TEX2: variants seen among roughly 807,000 people sequenced by gnomAD.
The protein encoded by TEX2 is testis-expressed protein 2.
In TEX2, 53 loss-of-function variants were observed where a neutral mutation model predicts 106.9. The ratio of observed to expected loss-of-function variants is 0.50; its 90% CI spans 0.40 to 0.62. The LOEUF (loss-of-function observed/expected upper bound fraction) is 0.62. Ranked by LOEUF, TEX2 falls within the 20% of genes least tolerant of loss-of-function variation. The pLI is 0.00. For missense variants in TEX2, 1,207 were observed against 1,379.0 expected (o/e 0.88, Z 1.98); for synonymous variants, 523 against 534.8 (o/e 0.98, Z 0.30).
In TEX2 at chr17:64,153,846, C is replaced by A. The variant is rs546426205; in HGVS notation, c.2931-692G>T. 2.0e-5 allele frequency among the ~76,000 whole-genome samples: 3 copies of A among 152,306 alleles called. No homozygotes were observed. The South Asian group carries it at 6.2e-4, about 32-fold the overall frequency. On this transcript the variant is annotated intron_variant, in intron 9 of 11. Coordinates refer to ENST00000584379, the MANE Select transcript of TEX2 (RefSeq NM_001288732.2). The surrounding 1 kb of genome is among the most constrained non-coding windows in gnomAD (Gnocchi z 4.1). ...ACTCGGGAGGCTAAAATGGGAGGAT[C>A]ACTTGAGCCCAGGAGGTTGAGGCTG...
chr17:64,244,449 A>G (rs2033950625), intron 1 of TEX2, among the ~76,000 whole-genome samples: 1 of 152,152 alleles, frequency 6.6e-6, no homozygotes, highest in African/African-American at 2.4e-5. Flanking sequence ...AGGCTTTGAC[A>G]TTTCATAAGT....
intron 1 of TEX2, among the ~76,000 whole-genome samples, chr17:64,215,432 G>C (rs782718806): frequency 3.3e-5 from 5 of 152,214 alleles, no homozygotes; most frequent in Non-Finnish European, 7.3e-5. Context: ...GATGGCAATG[G>C]GCATGGTGTG....
At chr17:64,165,118 C>T (rs2031066733) in intron 7 of TEX2, among the ~76,000 whole-genome samples, 1 of 152,170 alleles carries the variant, frequency 6.6e-6, no homozygotes, top group East Asian at 1.9e-4. Context: ...ATCCAAAGAA[C>T]AAAACTTCTT....
chr17:64,163,719 A>G (rs72849227), intron 7 of TEX2, among the ~76,000 whole-genome samples: 5 of 152,318 alleles, frequency 3.3e-5, no homozygotes, highest in Admixed American at 6.5e-5. Flanking sequence ...GATGAAATTC[A>G]CAGTTACTAG....
At chr17:64,150,185 C>T (rs979067392) in intron 11 of TEX2, 4 of 152,114 alleles carry the variant, frequency 2.6e-5, no homozygotes, top group Non-Finnish European at 4.4e-5. Context: ...CATAAAACCC[C>T]GACAGACAAC....
In TEX2 at chr17:64,148,322, A is replaced by G. The variant is rs1266735298; in HGVS notation, c.*647T>C. On this transcript the variant is annotated 3_prime_UTR_variant, in exon 12 of 12. Coordinates refer to ENST00000584379, the MANE Select transcript of TEX2 (RefSeq NM_001288732.2). ...TTGGTGAAAGGCTTGGGATGGTTTG[A>G]TCTCATGGCTTTGCCTGATGTTCAC... The G allele has an allele frequency of 6.6e-6, 1 of 152,644 alleles. No individual in the cohort carries two copies. The highest frequency in any genetic ancestry group is 1.5e-5 in the Non-Finnish European group (1 of 68,086). The allele number at this position is 152,644 out of a possible 1,614,324, so 9.5% of individuals were successfully genotyped here.
chr17:64,193,553 C>T lies in TEX2; in HGVS notation c.2176+6G>A, dbSNP rs1454367699. The T allele has an allele frequency of 4.2e-6, 6 of 1,413,804 alleles. No homozygotes were observed. Among genetic ancestry groups the T allele is most frequent in the Non-Finnish European group, 5.6e-6 (6 of 1,074,962 alleles). 87.6% of individuals were successfully genotyped at this position (1,413,804 alleles called of 1,614,324 possible). A position where few individuals can be genotyped will look rare whatever the true frequency, so the allele number is the denominator to read the frequency against. On this transcript the variant is annotated splice_donor_region_variant and intron_variant, in intron 4 of 11. Transcript: ENST00000584379. ...ATGCATAAGCATTTAGCACAAACAT[C>T]ATTACCTGGTTTACCTCCAGAGACA...
chr17:64,202,038 C>G (rs1360905982), intron 2 of TEX2, among the ~76,000 whole-genome samples: 4 of 152,168 alleles, frequency 2.6e-5, no homozygotes, highest in African/African-American at 7.2e-5. Flanking sequence ...GTGCAAGGAG[C>G]TGTAGAGGTT....
intron 5 of TEX2, 90 bp downstream of exon 5, chr17:64,188,078 T>C (rs763172354): frequency 6.9e-7 from 1 of 1,449,068 alleles, no homozygotes; most frequent in East Asian, 2.3e-5. Flanking sequence ...GTTATCCCAG[T>C]GCCCACAACA....
intron 1 of TEX2, among the ~76,000 whole-genome samples, chr17:64,220,768 T>C (rs2033335986): frequency 6.6e-6 from 1 of 152,130 alleles, no homozygotes; most frequent in Admixed American, 6.6e-5. Flanking sequence ...ATAAATTAGT[T>C]CAACCATTGT....
In TEX2 at chr17:64,153,109, A is replaced by T. The variant is rs1173868987; in HGVS notation, c.2976T>A (p.Asp992Glu). 3 of 1,614,166 alleles carry T rather than the reference A, an allele frequency of 1.9e-6. No individual in the cohort carries two copies. The highest frequency in any genetic ancestry group is 2.5e-6 in the Non-Finnish European group (3 of 1,179,994). Residue 992 changes from aspartate to glutamate, a missense_variant, in exon 10 of 12, where the codon GAT becomes GAA. Physicochemically the swap from Asp to Glu is conservative, Grantham distance 45. This residue lies in a region of TEX2 where 63 missense variants were observed against 112.2 expected (regional missense o/e 0.56). Coordinates refer to ENST00000584379, the MANE Select transcript of TEX2 (RefSeq NM_001288732.2). The surrounding 1 kb of genome is among the most constrained non-coding windows in gnomAD (Gnocchi z 4.1). ...GGAAATATTTTGACTTGGTAATTTTATCAACAAACCTCATAATCTTACTTG... is the reference window on the plus strand; with the variant it reads ...GGAAATATTTTGACTTGGTAATTTTTTCAACAAACCTCATAATCTTACTTG... ...HRTSKIMRFV[D>E]KITKSKYFQK...
At chr17:64,214,879 G>A (rs534790466) in intron 1 of TEX2, among the ~76,000 whole-genome samples, 72 of 152,334 alleles carry the variant, frequency 4.7e-4, no homozygotes, top group African/African-American at 1.4e-3. Context: ...TATTTAGGCA[G>A]CCATGAAGAC....
intron 6 of TEX2, among the ~76,000 whole-genome samples, chr17:64,174,788 T>C (rs2031554152): frequency 6.6e-6 from 1 of 152,224 alleles, no homozygotes; most frequent in Admixed American, 6.5e-5. Context: ...AGGGCGGTTA[T>C]CTGAGCAGCT....
In TEX2 at chr17:64,148,713, CTTCTGGAT is replaced by C; in HGVS notation, c.*248_*255del. 2.2e-6 allele frequency: 1 copy of C among 452,054 alleles called. No individual in the cohort carries two copies. The highest frequency in any genetic ancestry group is 3.9e-6 in the Non-Finnish European group (1 of 253,366). 28.0% of individuals were successfully genotyped at this position (452,054 alleles called of 1,614,324 possible). On this transcript the variant is annotated 3_prime_UTR_variant, in exon 12 of 12. Coordinates refer to ENST00000584379, the MANE Select transcript of TEX2 (RefSeq NM_001288732.2). Reference sequence around the variant, plus strand: ...AAGCCATGGTGTGGGTCACGTATAACTTCTGGATCCACCATGATTCTTCCATGGTCTCC... The same window carrying C: ...AAGCCATGGTGTGGGTCACGTATAACCCACCATGATTCTTCCATGGTCTCC...
rs572142639 is a variant in TEX2, at chr17:64,230,373, A to T, written c.-25-16131T>A. On this transcript the variant is annotated intron_variant, in intron 1 of 11. Transcript: ENST00000584379. ...CAAGAAACCCAGAGCCATGTTCACA[A>T]CTGGCAAGGTTAGGAGATACTGGTT... Among the ~76,000 whole-genome samples the T allele has an allele frequency of 2.6e-5, 4 of 152,330 alleles. No individual in the cohort carries two copies. The South Asian group carries it at 8.3e-4, about 32-fold the overall frequency.
chr17:64,225,172 C>G (rs545257400), intron 1 of TEX2, among the ~76,000 whole-genome samples: 1 of 151,908 alleles, frequency 6.6e-6, no homozygotes, highest in African/African-American at 2.4e-5. Context: ...ATATTGCAGG[C>G]TGGGCACAGT....
rs550525972 is a variant in TEX2 at position 64,249,199 on chromosome 17, G to A, written c.-26+13969C>T. On this transcript the variant is annotated intron_variant, in intron 1 of 11. Coordinates refer to ENST00000584379, the MANE Select transcript of TEX2 (RefSeq NM_001288732.2). Reference sequence around the variant, plus strand: ...TGAGCTCCTAAAACAGAAAAACATCGTTCAAAAAAATTCCTTTTTTCCTTA... The same window carrying A: ...TGAGCTCCTAAAACAGAAAAACATCATTCAAAAAAATTCCTTTTTTCCTTA... Among the ~76,000 whole-genome samples the A allele has an allele frequency of 1.5e-4, 23 of 152,040 alleles. No individual in the cohort carries two copies. The South Asian group carries it at 4.2e-3, about 28-fold the overall frequency.
chr17:64,213,857 C>T lies in TEX2; in HGVS notation c.361G>A (p.Val121Ile). ...GTACTTAATACTTGTGCTGCTGGAACAGGGGACTCCAACAGCTTTACAGTG... is the reference window on the plus strand; with the variant it reads ...GTACTTAATACTTGTGCTGCTGGAATAGGGGACTCCAACAGCTTTACAGTG... ...KNTVKLLESP[V>I]PAAQVLSTVP... Residue 121 changes from valine to isoleucine, a missense_variant, in exon 2 of 12, where the codon GTT becomes ATT. Val to Ile is a conservative substitution (Grantham distance 29). Around this residue, in one of 3 missense-constraint regions of TEX2, gnomAD observed 1,067 missense variants for 1,193.6 expected, o/e 0.89. Coordinates refer to ENST00000584379, the MANE Select transcript of TEX2 (RefSeq NM_001288732.2). This position sits in a 1 kb window ranked among gnomAD's most constrained non-coding sequence, Gnocchi z 4.4. The T allele has an allele frequency of 1.9e-6, 3 of 1,614,212 alleles. No homozygotes were observed. The highest frequency in any genetic ancestry group is 8.5e-7 in the Non-Finnish European group (1 of 1,180,030).
chr17:64,162,971 C>G (rs990747705), intron 7 of TEX2, among the ~76,000 whole-genome samples: 4 of 152,152 alleles, frequency 2.6e-5, no homozygotes, highest in Non-Finnish European at 4.4e-5. Context: ...AGCCATGGAG[C>G]CTGATATCTG....
Sources: allele counts gnomAD v4.1 joint callset (sites outside exome capture counted in the v4.1 genomes callset), GRCh38; gene constraint gnomAD v4.1.1; regional missense constraint gnomAD v4.1.1; non-coding constraint Gnocchi (gnomAD v3.1); transcripts MANE v1.5; gene names NCBI Gene and HGNC (gene_info 2026-07-23, HGNC 2026-07-21).